The following ARMH3 variants were observed in gnomAD, a reference collection of about 807,000 sequenced individuals.
The protein encoded by ARMH3 is armadillo-like helical domain-containing protein 3.
Under a neutral mutation model 99.1 loss-of-function variants are expected in ARMH3, and 60 were observed. The ratio of observed to expected loss-of-function variants is 0.61; its 90% CI spans 0.49 to 0.75. The LOEUF (loss-of-function observed/expected upper bound fraction) is 0.75, where lower values mean the gene tolerates loss of function less well. Among genes scored for constraint, ARMH3 ranks in the 30% least tolerant of loss-of-function variants. The pLI is 0.00. For missense variants in ARMH3, 679 were observed against 843.1 expected (o/e 0.81, Z 2.41); for synonymous variants, 285 against 292.8 (o/e 0.97, Z 0.27).
intron 22 of ARMH3, among the ~76,000 whole-genome samples, chr10:101,941,902 C>A (rs1186695101): frequency 6.6e-6 from 1 of 152,082 alleles, no homozygotes; most frequent in Non-Finnish European, 1.5e-5. Flanking sequence ...TTCACCAGAT[C>A]CCCCACAAAA....
At chr10:101,962,544 G>A (rs371024528) in intron 20 of ARMH3, among the ~76,000 whole-genome samples, 7 of 152,088 alleles carry the variant, frequency 4.6e-5, no homozygotes, top group East Asian at 3.8e-4. Flanking sequence ...CACTTATTAG[G>A]TGCTTGCTAG....
intron 23 of ARMH3, among the ~76,000 whole-genome samples, chr10:101,899,070 T>C (rs1313700758): frequency 6.6e-6 from 1 of 152,226 alleles, no homozygotes; most frequent in Non-Finnish European, 1.5e-5. Flanking sequence ...AAAATCTGGA[T>C]TCCTCCACTT....
At chr10:101,847,646 G>A in intron 25 of ARMH3, 26 bp from the exon 26 acceptor site, 2 of 1,605,420 alleles carry the variant, frequency 1.2e-6, no homozygotes, top group Non-Finnish European at 1.7e-6. Context: ...TGGGGAAGGT[G>A]GGAGGGCGCA....
intron 8 of ARMH3, among the ~76,000 whole-genome samples, chr10:102,017,591 CTT>C (rs1564852503): frequency 6.6e-6 from 1 of 152,198 alleles, no homozygotes; most frequent in Non-Finnish European, 1.5e-5. Context: ...CCTCACCTCT[CTT>C]TAACTATCCT....
chr10:101,871,943 T>A (rs2135369030), intron 24 of ARMH3, among the ~76,000 whole-genome samples: 1 of 151,900 alleles, frequency 6.6e-6, no homozygotes, highest in Middle Eastern at 3.4e-3. Context: ...GAGGTTGCAG[T>A]GAGCCGAGAA....
intron 20 of ARMH3, among the ~76,000 whole-genome samples, chr10:101,958,207 GCAGCTATACTGTATGTACTC>G (rs1845127756): frequency 6.6e-6 from 1 of 152,176 alleles, no homozygotes; most frequent in Non-Finnish European, 1.5e-5. Context: ...ACCAGATATA[GCAGCTATACTGTATGTACTC>G]CTCTAGATGA....
At chr10:101,876,292 G>A (rs2067265757) in intron 24 of ARMH3, among the ~76,000 whole-genome samples, 1 of 145,786 alleles carries the variant, frequency 6.9e-6, no homozygotes, top group Non-Finnish European at 1.5e-5. Context: ...ATGGCTTGTT[G>A]CATGCAGGGC....
chr10:102,009,231 G>A (rs1249408863), intron 13 of ARMH3, 143 bp downstream of exon 13: 3 of 727,250 alleles, frequency 4.1e-6, no homozygotes, highest in Non-Finnish European at 4.7e-6. Flanking sequence ...AGGAAACAAA[G>A]GCAACTGATT....
intron 8 of ARMH3, among the ~76,000 whole-genome samples, chr10:102,019,346 G>A (rs1303884434): frequency 1.3e-5 from 2 of 151,512 alleles, no homozygotes; most frequent in African/African-American, 2.4e-5. Context: ...ACCACACCCA[G>A]CCTATACTAT....
intron 23 of ARMH3, among the ~76,000 whole-genome samples, chr10:101,925,431 T>C (rs140577979): frequency 2.0e-5 from 3 of 152,310 alleles, no homozygotes; most frequent in East Asian, 1.9e-4. Flanking sequence ...TTTGAAACCA[T>C]AGCATATGAA....
chr10:101,897,929 C>T (rs1181092726), intron 23 of ARMH3, among the ~76,000 whole-genome samples: 1 of 152,138 alleles, frequency 6.6e-6, no homozygotes. Flanking sequence ...ATTTCTTGGT[C>T]CATTGTAAAC....
chr10:101,963,414 G>A (rs1280431958), intron 20 of ARMH3, among the ~76,000 whole-genome samples: 1 of 152,014 alleles, frequency 6.6e-6, no homozygotes, highest in East Asian at 1.9e-4. Flanking sequence ...TGGGATTACA[G>A]GTGTGAGCCA....
chr10:101,871,666 A>G (rs1304865680), intron 24 of ARMH3, among the ~76,000 whole-genome samples: 1 of 152,242 alleles, frequency 6.6e-6, no homozygotes, highest in African/African-American at 2.4e-5. Flanking sequence ...AATGAATCAC[A>G]GAACTAAATG....
At chr10:102,054,257 T>A (rs560899477) in intron 1 of ARMH3, among the ~76,000 whole-genome samples, 1 of 151,960 alleles carries the variant, frequency 6.6e-6, no homozygotes, top group African/African-American at 2.4e-5. Flanking sequence ...GGCATGGTGG[T>A]GCGCGCCTGT....
At chr10:101,954,963 C>G (rs1844961974) in intron 22 of ARMH3, among the ~76,000 whole-genome samples, 1 of 152,118 alleles carries the variant, frequency 6.6e-6, no homozygotes, top group East Asian at 1.9e-4. Flanking sequence ...TAAAATATCT[C>G]CCCCACTCCA....
chr10:101,895,156 G>C (rs2067793005), intron 23 of ARMH3, among the ~76,000 whole-genome samples: 2 of 152,178 alleles, frequency 1.3e-5, no homozygotes, highest in Non-Finnish European at 2.9e-5. Context: ...TCAACAAATG[G>C]TACTGGGACA....
At chr10:102,013,945 TAC>T in intron 9 of ARMH3, 21 bp downstream of exon 9, 1 of 1,571,144 alleles carries the variant, frequency 6.4e-7, no homozygotes, top group African/African-American at 1.4e-5. Flanking sequence ...AGTAAGACAA[TAC>T]ACAAGGATCC....
At chr10:101,996,652 C>T (rs754111215) in intron 15 of ARMH3, among the ~76,000 whole-genome samples, 12 of 151,800 alleles carry the variant, frequency 7.9e-5, no homozygotes, top group Admixed American at 3.3e-4. Context: ...GCTATCTCTC[C>T]ACTTAAAATT....
chr10:101,995,599 A>G (rs1170078761), intron 15 of ARMH3, among the ~76,000 whole-genome samples: 3 of 152,136 alleles, frequency 2.0e-5, no homozygotes, highest in African/African-American at 7.2e-5. Flanking sequence ...CACCTTCCTG[A>G]AAGCCATCTA....
Sources: allele counts gnomAD v4.1 joint callset (sites outside exome capture counted in the v4.1 genomes callset), GRCh38; gene constraint gnomAD v4.1.1; transcripts MANE v1.5; gene names NCBI Gene and HGNC (gene_info 2026-07-23, HGNC 2026-07-21).